The following FSTL4 variants were observed in gnomAD, a reference collection of about 807,000 sequenced individuals.
FSTL4 encodes the protein follistatin-related protein 4.
In FSTL4, 28 loss-of-function variants were observed where a neutral mutation model predicts 78.2. The ratio of observed to expected loss-of-function variants is 0.36; its 90% CI spans 0.27 to 0.49. FSTL4 has a LOEUF of 0.49. Among genes scored for constraint, FSTL4 ranks in the 20% least tolerant of loss-of-function variants. The pLI is 0.98. For synonymous variants in FSTL4, 422 were observed against 440.5 expected (o/e 0.96, Z 0.53); for missense variants, 922 against 1,084.9 (o/e 0.85, Z 2.11).
At chr5:133,786,773 C>T in the FSTL4 span, among the ~76,000 whole-genome samples, 7 of 152,208 alleles carry the variant, frequency 4.6e-5, no homozygotes, top group Non-Finnish European at 1.0e-4. Flanking sequence ...ACAACAACAA[C>T]AACCATTATA....
chr5:133,466,805 C>T (rs565112410), intron 3 of FSTL4, among the ~76,000 whole-genome samples: 2 of 152,168 alleles, frequency 1.3e-5, no homozygotes, highest in South Asian at 2.1e-4. Flanking sequence ...AAGCCCAGCA[C>T]GCTGGGGAAG....
At chr5:133,591,381 A>G (rs915207647) in intron 2 of FSTL4, among the ~76,000 whole-genome samples, 5 of 151,916 alleles carry the variant, frequency 3.3e-5, no homozygotes, top group African/African-American at 1.2e-4. Flanking sequence ...CAAAAATGCA[A>G]CTCCATAAAA....
At chr5:133,608,086 C>T (rs1391135393) in intron 1 of FSTL4, among the ~76,000 whole-genome samples, 1 of 152,168 alleles carries the variant, frequency 6.6e-6, no homozygotes, top group African/African-American at 2.4e-5. Context: ...CAGATAGAGG[C>T]AAATGCAAGA....
chr5:133,566,104 A>T (rs1760021806), intron 3 of FSTL4, among the ~76,000 whole-genome samples: 1 of 152,214 alleles, frequency 6.6e-6, no homozygotes, highest in South Asian at 2.1e-4. Context: ...GATAATGGCA[A>T]ATGGGAATGT....
chr5:133,288,045 G>A (rs59714576), intron 6 of FSTL4, among the ~76,000 whole-genome samples: 2,164 of 152,254 alleles, frequency 0.014, 50 homozygotes, highest in African/African-American at 0.05. Flanking sequence ...TCTGTAAACT[G>A]GGGTTACTAA....
the FSTL4 span, among the ~76,000 whole-genome samples, chr5:133,646,537 G>C: frequency 6.6e-6 from 1 of 152,142 alleles, no homozygotes; most frequent in Admixed American, 6.6e-5. Context: ...GTATGGAACT[G>C]GTTGGAGGGA....
At chr5:133,698,517 T>A in the FSTL4 span, among the ~76,000 whole-genome samples, 2 of 152,234 alleles carry the variant, frequency 1.3e-5, no homozygotes, top group African/African-American at 4.8e-5. Context: ...ATGGAGCCGT[T>A]GTGACTATTA....
At chr5:133,683,647 C>T in the FSTL4 span, among the ~76,000 whole-genome samples, 4 of 152,184 alleles carry the variant, frequency 2.6e-5, no homozygotes. Context: ...TCCTAACTGG[C>T]CATTTATTTC....
the FSTL4 span, among the ~76,000 whole-genome samples, chr5:133,765,603 G>C: frequency 6.6e-6 from 1 of 152,170 alleles, no homozygotes; most frequent in Non-Finnish European, 1.5e-5. Context: ...CAGTGTGAGA[G>C]AGTCCATCAG....
chr5:133,235,108 T>C (rs1258817609), intron 7 of FSTL4, among the ~76,000 whole-genome samples: 1 of 152,076 alleles, frequency 6.6e-6, no homozygotes, highest in Non-Finnish European at 1.5e-5. Context: ...TCATGTGAGC[T>C]CCTGTTCCTG....
intron 6 of FSTL4, among the ~76,000 whole-genome samples, chr5:133,298,552 T>C (rs1257510734): frequency 6.6e-6 from 1 of 152,252 alleles, no homozygotes; most frequent in African/African-American, 2.4e-5. Flanking sequence ...GAGCAAATAT[T>C]CACCTGTTGT....
chr5:133,277,213 G>C (rs1752903381), intron 6 of FSTL4, among the ~76,000 whole-genome samples: 1 of 152,158 alleles, frequency 6.6e-6, no homozygotes, highest in Non-Finnish European at 1.5e-5. Flanking sequence ...CTACTTGGGA[G>C]GCTTAGGCAG....
At chr5:133,261,583 C>T (rs895161657) in intron 6 of FSTL4, among the ~76,000 whole-genome samples, 77 of 152,232 alleles carry the variant, frequency 5.1e-4, no homozygotes, top group African/African-American at 1.7e-3. Context: ...ACAGGCCAGG[C>T]GCGGTGCTCA....
chr5:133,366,904 G>C (rs1414571612), intron 4 of FSTL4, among the ~76,000 whole-genome samples: 3 of 152,094 alleles, frequency 2.0e-5, no homozygotes. Flanking sequence ...TAATTTTTTG[G>C]TGCAGAGCAT....
At chr5:133,383,544 C>T (rs1755624715) in intron 4 of FSTL4, among the ~76,000 whole-genome samples, 1 of 152,208 alleles carries the variant, frequency 6.6e-6, no homozygotes. Flanking sequence ...CTCCAATTAA[C>T]TTAAGTCATG....
At chr5:133,531,078 C>T (rs1424656296) in intron 3 of FSTL4, among the ~76,000 whole-genome samples, 3 of 152,164 alleles carry the variant, frequency 2.0e-5, no homozygotes, top group Non-Finnish European at 2.9e-5. Flanking sequence ...GCCGGGAGAG[C>T]GAATGCAGAA....
intron 4 of FSTL4, among the ~76,000 whole-genome samples, chr5:133,381,770 G>C (rs762274801): frequency 1.3e-5 from 2 of 152,188 alleles, no homozygotes; most frequent in Non-Finnish European, 2.9e-5. Flanking sequence ...ATGCCAGTAG[G>C]TCAGCCTTGC....
chr5:133,775,679 T>C, the FSTL4 span, among the ~76,000 whole-genome samples: 4 of 152,284 alleles, frequency 2.6e-5, no homozygotes, highest in South Asian at 8.3e-4. Context: ...ACAGGTGACT[T>C]AGACTCCTGT....
At chr5:133,654,441 C>A in the FSTL4 span, among the ~76,000 whole-genome samples, 1 of 152,270 alleles carries the variant, frequency 6.6e-6, no homozygotes, top group Non-Finnish European at 1.5e-5. Context: ...GTTCTTAACC[C>A]CCACATCAGA....
Sources: gnomAD v4.1 joint callset for allele counts (sites outside exome capture counted in the v4.1 genomes callset) on GRCh38, gnomAD v4.1.1 for gene constraint, MANE v1.5 for transcripts, NCBI Gene and HGNC (gene_info 2026-07-23, HGNC 2026-07-21) for gene names.